Variants in SZRD1 observed in about 807,000 individuals in gnomAD.
SZRD1 encodes SUZ RNA-binding domain-containing.
SZRD1 carries 7 observed loss-of-function variants against 17.6 expected under a neutral mutation model. That is an observed-to-expected ratio of 0.40 (90% CI 0.23 to 0.75). The LOEUF is 0.75. SZRD1 is among the 30% of genes least tolerant of loss of function. The probability of loss-of-function intolerance (pLI) is 0.38; values close to 1 mark genes in which losing one functional copy is unlikely to be tolerated. For missense variants in SZRD1, 178 were observed against 201.8 expected (o/e 0.88, Z 0.71); for synonymous variants, 77 against 77.9 (o/e 0.99, Z 0.06).
chr1:16,377,201 A>C (rs1313907033), intron 1 of SZRD1, among the ~76,000 whole-genome samples: 1 of 152,156 alleles, frequency 6.6e-6, no homozygotes, highest in Non-Finnish European at 1.5e-5. Flanking sequence ...TGTTAAAGTG[A>C]AATCTGGTGG....
chr1:16,391,393 G>GA lies in SZRD1; in HGVS notation c.78dup (p.Leu27ThrfsTer25), dbSNP rs1363478684. On this transcript the variant is annotated frameshift_variant, in exon 2 of 4. Coordinates refer to ENST00000401088, the MANE Select transcript of SZRD1 (RefSeq NM_001114600.3). LOFTEE classifies it high-confidence loss of function. The surrounding 1 kb of genome is among the most constrained non-coding windows in gnomAD (Gnocchi z 4.3). ...CCTCTAGGAAATAGACAGACGGTTG[G>GA]AAAAAAAACTGAAGATCACACAAAA... 17 of 1,547,026 alleles carry GA rather than the reference G, an allele frequency of 1.1e-5. No individual in the cohort carries two copies. Among genetic ancestry groups the GA allele is most frequent in the Admixed American group, 2.0e-5 (1 of 50,872 alleles).
chr1:16,381,263 T>A (rs769527219), intron 1 of SZRD1, among the ~76,000 whole-genome samples: 82 of 151,780 alleles, frequency 5.4e-4, no homozygotes, highest in Middle Eastern at 3.4e-3. Context: ...CTTAAAAAAA[T>A]AAATAAAAAA....
chr1:16,396,012 C>G lies in SZRD1; in HGVS notation c.*872C>G, dbSNP rs1210075084. 1 of 152,704 alleles carries G rather than the reference C, an allele frequency of 6.5e-6. No individual in the cohort carries two copies. Among genetic ancestry groups the G allele is most frequent in the Non-Finnish European group, 1.5e-5 (1 of 68,096 alleles). 9.5% of individuals were successfully genotyped at this position (152,704 alleles called of 1,614,324 possible). A position where few individuals can be genotyped will look rare whatever the true frequency, so the allele number is the denominator to read the frequency against. ...GGAAAGTGAACCGACTTCCCCTTCC[C>G]ATACCCCTCAGGGTGGTTCCCTACC... On this transcript the variant is annotated 3_prime_UTR_variant, in exon 4 of 4. Coordinates refer to ENST00000401088, the MANE Select transcript of SZRD1 (RefSeq NM_001114600.3).
intron 1 of SZRD1, among the ~76,000 whole-genome samples, chr1:16,373,433 G>A (rs1287880213): frequency 1.3e-5 from 2 of 150,154 alleles, no homozygotes; most frequent in African/African-American, 4.9e-5. Context: ...TACAAAATTA[G>A]CCAGGTGTGG....
chr1:16,396,629 C>T lies in SZRD1; in HGVS notation c.*1489C>T, dbSNP rs564902073. 1 of 152,816 alleles carries T rather than the reference C, an allele frequency of 6.5e-6. No individual in the cohort carries two copies. Among genetic ancestry groups the T allele is most frequent in the African/African-American group, 2.4e-5 (1 of 41,466 alleles). The allele number at this position is 152,816 out of a possible 1,614,324, so 9.5% of individuals were successfully genotyped here. ...ATCCCTCAGCCAGCCAGACAGCCTCCCTGCTCCTGACCAGCAGATACGTTT... is the reference window on the plus strand; with the variant it reads ...ATCCCTCAGCCAGCCAGACAGCCTCTCTGCTCCTGACCAGCAGATACGTTT... On this transcript the variant is annotated 3_prime_UTR_variant, in exon 4 of 4. Transcript: ENST00000401088.
intron 1 of SZRD1, among the ~76,000 whole-genome samples, chr1:16,374,421 T>G (rs1057022655): frequency 2.0e-5 from 3 of 152,340 alleles, no homozygotes; most frequent in African/African-American, 7.2e-5. Flanking sequence ...TTCTCAGCCC[T>G]TTTTTCATTG....
chr1:16,381,653 C>T (rs149886342), intron 1 of SZRD1, among the ~76,000 whole-genome samples: 4 of 151,928 alleles, frequency 2.6e-5, no homozygotes, highest in Admixed American at 1.3e-4. Context: ...CGTTGAAGGC[C>T]GAGTGCGGTG....
At chr1:16,380,505 G>A (rs1031867860) in intron 1 of SZRD1, among the ~76,000 whole-genome samples, 6 of 151,396 alleles carry the variant, frequency 4.0e-5, no homozygotes, top group African/African-American at 1.2e-4. Flanking sequence ...CTCTCTTGCT[G>A]CCCAGGCTAC....
Position 16,397,932 on chromosome 1 carries a change from C to T in SZRD1, c.*2792C>T. 1 of 531,708 alleles carries T rather than the reference C, an allele frequency of 1.9e-6. No homozygotes were observed. Among genetic ancestry groups the T allele is most frequent in the Non-Finnish European group, 2.4e-6 (1 of 415,472 alleles). The allele number at this position is 531,708 out of a possible 1,614,324, so 32.9% of individuals were successfully genotyped here. ...CAGAGACTCAAGAAACCTCTGGGGT[C>T]CTGTTTTCTGGTCGTGTGATCCCAG... On this transcript the variant is annotated 3_prime_UTR_variant, in exon 4 of 4. Transcript: ENST00000401088. The surrounding 1 kb of genome is among the most constrained non-coding windows in gnomAD (Gnocchi z 5.4).
chr1:16,380,538 G>A (rs980500821), intron 1 of SZRD1, among the ~76,000 whole-genome samples: 9 of 151,908 alleles, frequency 5.9e-5, no homozygotes, highest in East Asian at 3.9e-4. Context: ...GCGTGATCGC[G>A]GTTCACCACA....
At chr1:16,388,387 T>TGAG (rs1280653070) in intron 1 of SZRD1, among the ~76,000 whole-genome samples, 2 of 150,586 alleles carry the variant, frequency 1.3e-5, no homozygotes, top group Non-Finnish European at 2.9e-5. Context: ...ATTGTAGGCG[T>TGAG]GAGCTACCAT....
At chr1:16,376,245 T>C (rs2083001202) in intron 1 of SZRD1, among the ~76,000 whole-genome samples, 2 of 152,216 alleles carry the variant, frequency 1.3e-5, no homozygotes, top group Non-Finnish European at 2.9e-5. Context: ...GATAATTAAC[T>C]AGTTAAGTGC....
chr1:16,379,300 G>A (rs1194690347), intron 1 of SZRD1, among the ~76,000 whole-genome samples: 1 of 151,786 alleles, frequency 6.6e-6, no homozygotes, highest in Non-Finnish European at 1.5e-5. Context: ...TTTGTTTTTA[G>A]TAGAGACGGG....
Position 16,394,984 on chromosome 1 carries a change from G to T in SZRD1, c.357-54G>T, listed in dbSNP as rs188223817. Reference sequence around the variant, plus strand: ...ATAAATAAAAAATAAAGAAATGATGGGGGACATCTATTATATCCTTCTTCA... The same window carrying T: ...ATAAATAAAAAATAAAGAAATGATGTGGGACATCTATTATATCCTTCTTCA... On this transcript the variant is annotated intron_variant, in intron 3 of 3. Transcript: ENST00000401088. The T allele has an allele frequency of 1.8e-3, 1,733 of 978,358 alleles. 1 individual carries two copies. Among genetic ancestry groups the T allele is most frequent in the Non-Finnish European group, 2.4e-3 (1,513 of 628,780 alleles). The allele number at this position is 978,358 out of a possible 1,614,324, so 60.6% of individuals were successfully genotyped here.
Position 16,371,740 on chromosome 1 carries a change from C to T in SZRD1, c.51+4432C>T, listed in dbSNP as rs554669894. On this transcript the variant is annotated intron_variant, in intron 1 of 3. Coordinates refer to ENST00000401088, the MANE Select transcript of SZRD1 (RefSeq NM_001114600.3). Reference sequence around the variant, plus strand: ...CCTCCCAAAGTGCTGGGATTACAGGCGTGAGCTGCTGCGCCTGGCCCCTTT... The same window carrying T: ...CCTCCCAAAGTGCTGGGATTACAGGTGTGAGCTGCTGCGCCTGGCCCCTTT... Among the ~76,000 whole-genome samples the T allele has an allele frequency of 3.3e-5, 5 of 152,180 alleles. No individual in the cohort carries two copies. In the East Asian group the frequency reaches 5.8e-4, roughly 18 times the overall value.
In SZRD1 at chr1:16,395,133, G is replaced by A. The variant is rs374656978; in HGVS notation, c.452G>A (p.Arg151His). 98 of 1,609,536 alleles carry A rather than the reference G, an allele frequency of 6.1e-5. No individual in the cohort carries two copies. The African/African-American group carries it at 1.0e-3, about 16-fold the overall frequency. Residue 151 changes from arginine to histidine, a missense_variant, in exon 4 of 4, where the codon CGC becomes CAC. By Grantham distance (29) the Arg-to-His change is conservative. Transcript: ENST00000401088. ...GATGGGTCTCAAGGCTTCAAACAGC[G>A]CAGATAAATGCAGGCAAGAAAAGAT... ...GPDGSQGFKQRR is the reference protein window; with the variant it reads ...GPDGSQGFKQHR
chr1:16,385,347 G>T (rs2083171335), intron 1 of SZRD1, among the ~76,000 whole-genome samples: 1 of 152,140 alleles, frequency 6.6e-6, no homozygotes, highest in African/African-American at 2.4e-5. Flanking sequence ...TGTAACAGGT[G>T]TGAGTTTGTT....
intron 3 of SZRD1, 149 bp from the exon 4 acceptor site, chr1:16,394,889 G>T (rs1301400925): frequency 1.7e-6 from 1 of 604,646 alleles, no homozygotes; most frequent in East Asian, 2.8e-5. Flanking sequence ...CAGGAGGTGG[G>T]GGTTGCAGTG....
chr1:16,369,435 T>C lies in SZRD1; in HGVS notation c.51+2127T>C. 11 of 1,061,842 alleles carry C rather than the reference T, an allele frequency of 1.0e-5. No homozygotes were observed. In the South Asian group the frequency reaches 1.4e-4, roughly 13 times the overall value. The allele number at this position is 1,061,842 out of a possible 1,614,324, so 65.8% of individuals were successfully genotyped here. ...GCTCAAAATTGGCAGCATCCATGATTCCATCTTCTACGGGGTGAGTGCATT... is the reference window on the plus strand; with the variant it reads ...GCTCAAAATTGGCAGCATCCATGATCCCATCTTCTACGGGGTGAGTGCATT... On this transcript the variant is annotated intron_variant, in intron 1 of 3. Transcript: ENST00000401088.
Sources: allele counts gnomAD v4.1 joint callset (sites outside exome capture counted in the v4.1 genomes callset), GRCh38; gene constraint gnomAD v4.1.1; non-coding constraint Gnocchi (gnomAD v3.1); transcripts MANE v1.5; gene names NCBI Gene and HGNC (gene_info 2026-07-23, HGNC 2026-07-21).